Variants in PDE3A observed in about 807,000 individuals in gnomAD.
PDE3A encodes the protein phosphodiesterase 3A, also known as cGMP-inhibited 3',5'-cyclic phosphodiesterase 3A.
In PDE3A, 43 loss-of-function variants were observed where a neutral mutation model predicts 98.3. That is an observed-to-expected ratio of 0.44 (90% CI 0.34 to 0.56). PDE3A has a LOEUF of 0.56. PDE3A is among the 20% of genes least tolerant of loss of function. The probability of loss-of-function intolerance (pLI) is 0.01; values close to 1 mark genes in which losing one functional copy is unlikely to be tolerated. For synonymous variants in PDE3A, 663 were observed against 567.9 expected (o/e 1.17, Z -2.38); for missense variants, 1,427 against 1,440.7 (o/e 0.99, Z 0.15).
At chr12:20,514,804 G>A (rs1478751252) in intron 1 of PDE3A, among the ~76,000 whole-genome samples, 1 of 152,194 alleles carries the variant, frequency 6.6e-6, no homozygotes, top group Non-Finnish European at 1.5e-5. Flanking sequence ...CTTACTAGCT[G>A]TGTGACTTTG....
intron 1 of PDE3A, among the ~76,000 whole-genome samples, chr12:20,378,526 A>G (rs992734355): frequency 6.6e-6 from 1 of 151,728 alleles, no homozygotes; most frequent in Non-Finnish European, 1.5e-5. Context: ...CAGATTTTAT[A>G]TCATAGATAC....
chr12:20,506,996 T>G lies in PDE3A; in HGVS notation c.961-49664T>G, dbSNP rs537836532. On this transcript the variant is annotated intron_variant, in intron 1 of 15. Transcript: ENST00000359062. ...GATTTTGGTTGGAATTTTAAAAGAC[T>G]GTGTATATTTTTATTCTTTATAAAA... Among the ~76,000 whole-genome samples the G allele has an allele frequency of 2.0e-5, 3 of 152,218 alleles. No homozygotes were observed. In the South Asian group the frequency reaches 6.2e-4, roughly 31 times the overall value.
chr12:20,539,449 T>C (rs1941839692), intron 1 of PDE3A, among the ~76,000 whole-genome samples: 1 of 152,142 alleles, frequency 6.6e-6, no homozygotes, highest in Non-Finnish European at 1.5e-5. Context: ...ATGCTCGAAC[T>C]GTAATGAAAT....
intron 2 of PDE3A, among the ~76,000 whole-genome samples, chr12:20,561,696 T>A (rs1163623999): frequency 6.6e-6 from 1 of 152,180 alleles, no homozygotes; most frequent in Non-Finnish European, 1.5e-5. Flanking sequence ...CCCGGGATAC[T>A]TAATAAATAA....
At chr12:20,463,423 A>G (rs1409681003) in intron 1 of PDE3A, among the ~76,000 whole-genome samples, 2 of 152,172 alleles carry the variant, frequency 1.3e-5, no homozygotes, top group East Asian at 3.9e-4. Context: ...AGTAATTTGT[A>G]TGTATTTTTA....
In PDE3A at chr12:20,369,713, C is replaced by A; in HGVS notation, c.429C>A (p.Phe143Leu). Residue 143 changes from phenylalanine (F) to leucine (L), a missense_variant, in exon 1 of 16, where the codon TTC becomes TTA. Phe to Leu is a conservative substitution (Grantham distance 22). Coordinates refer to ENST00000359062, the MANE Select transcript of PDE3A (RefSeq NM_000921.5). ...SALLFSLLCA[F>L]FWMGLYLLRA... The stretch of plus-strand genomic sequence containing the variant: ...TGCTCTTCAGTCTCCTGTGTGCCTT[C>A]TTCTGGATGGGCTTGTACCTCCTGC... The A allele has an allele frequency of 6.2e-7, 1 of 1,612,296 alleles. No homozygotes were observed. The highest frequency in any genetic ancestry group is 8.5e-7 in the Non-Finnish European group (1 of 1,179,748).
chr12:20,450,739 G>A (rs141351564), intron 1 of PDE3A, among the ~76,000 whole-genome samples: 4 of 152,202 alleles, frequency 2.6e-5, no homozygotes, highest in African/African-American at 9.6e-5. Flanking sequence ...TATCAAATAC[G>A]CTGTATGGGA....
chr12:20,541,215 GC>G (rs2121219968), intron 1 of PDE3A, among the ~76,000 whole-genome samples: 1 of 146,452 alleles, frequency 6.8e-6, no homozygotes, highest in East Asian at 2.1e-4. Context: ...TCTTGCCTCA[GC>G]ATCTAGAATA....
chr12:20,480,367 T>C (rs1337251648), intron 1 of PDE3A, among the ~76,000 whole-genome samples: 1 of 152,220 alleles, frequency 6.6e-6, no homozygotes, highest in African/African-American at 2.4e-5. Context: ...CTTTTAAACT[T>C]ATTTCCATTA....
intron 1 of PDE3A, among the ~76,000 whole-genome samples, chr12:20,464,012 C>G (rs888613442): frequency 6.6e-6 from 1 of 152,088 alleles, no homozygotes; most frequent in Non-Finnish European, 1.5e-5. Context: ...AAAGCAGAAC[C>G]TTTAATATTC....
intron 1 of PDE3A, among the ~76,000 whole-genome samples, chr12:20,450,349 C>T (rs1945042227): frequency 6.6e-6 from 1 of 152,182 alleles, no homozygotes; most frequent in South Asian, 2.1e-4. Flanking sequence ...AGCCCTTTCC[C>T]TTGACTTTTG....
chr12:20,627,861 T>G lies in PDE3A; in HGVS notation c.1541-2047T>G, dbSNP rs1250919638. 1.3e-5 allele frequency among the ~76,000 whole-genome samples: 2 copies of G among 152,146 alleles called. 1 individual carries two copies. Among genetic ancestry groups the G allele is most frequent in the African/African-American group, 4.8e-5 (2 of 41,448 alleles). ...CTCAGTACAGATACCTCGGTAAACT[T>G]TCTACCACATCATACTAGGATTCAG... On this transcript the variant is annotated intron_variant, in intron 5 of 15. Coordinates refer to ENST00000359062, the MANE Select transcript of PDE3A (RefSeq NM_000921.5).
intron 15 of PDE3A, among the ~76,000 whole-genome samples, chr12:20,678,683 T>G (rs1945697520): frequency 6.6e-6 from 1 of 152,234 alleles, no homozygotes; most frequent in South Asian, 2.1e-4. Context: ...TAAGTTCACT[T>G]CATGCCAGAT....
At chr12:20,557,355 G>T (rs566805890) in intron 2 of PDE3A, 1 of 152,400 alleles carries the variant, frequency 6.6e-6, no homozygotes, top group African/African-American at 2.4e-5. Context: ...TGGAATAAAG[G>T]CTGAGCTTTA....
intron 1 of PDE3A, among the ~76,000 whole-genome samples, chr12:20,541,640 C>A (rs1941914097): frequency 6.6e-6 from 1 of 152,012 alleles, no homozygotes; most frequent in Admixed American, 6.6e-5. Context: ...CTTGCCACAT[C>A]ATCTATTCCA....
chr12:20,588,724 CTGGGGCCCTATATG>C (rs1173611936), intron 2 of PDE3A, among the ~76,000 whole-genome samples: 8 of 152,132 alleles, frequency 5.3e-5, no homozygotes, highest in Non-Finnish European at 1.0e-4. Context: ...TTCCGATAAT[CTGGGGCCCTATATG>C]TAGGAGAAAA....
intron 1 of PDE3A, among the ~76,000 whole-genome samples, chr12:20,377,500 G>T (rs549786439): frequency 7.8e-4 from 119 of 151,780 alleles, no homozygotes; most frequent in African/African-American, 2.7e-3. Flanking sequence ...GACACAGGTG[G>T]CTAATGGCTA....
chr12:20,458,618 G>A (rs1036107689), intron 1 of PDE3A, among the ~76,000 whole-genome samples: 1 of 152,120 alleles, frequency 6.6e-6, no homozygotes. Context: ...TGGCAAGAAT[G>A]CCTTTCTTGT....
intron 1 of PDE3A, among the ~76,000 whole-genome samples, chr12:20,402,857 TA>T (rs1944158458): frequency 6.6e-6 from 1 of 152,164 alleles, no homozygotes; most frequent in Non-Finnish European, 1.5e-5. Context: ...AAGTGAGCTG[TA>T]AGAGTTAAAT....
Sources: gnomAD v4.1 joint callset for allele counts (sites outside exome capture counted in the v4.1 genomes callset) on GRCh38, gnomAD v4.1.1 for gene constraint, MANE v1.5 for transcripts, NCBI Gene and HGNC (gene_info 2026-07-23, HGNC 2026-07-21) for gene names.